Variants in PTPRO observed in about 807,000 individuals in gnomAD.
PTPRO encodes receptor-type tyrosine-protein phosphatase O.
Under a neutral mutation model 145.2 loss-of-function variants are expected in PTPRO, and 62 were observed. That is an observed-to-expected ratio of 0.43 (90% CI 0.35 to 0.53). The LOEUF (loss-of-function observed/expected upper bound fraction) is 0.53, where lower values mean the gene tolerates loss of function less well. PTPRO is among the 20% of genes least tolerant of loss of function. PTPRO has a pLI of 0.01. For synonymous variants in PTPRO, 565 were observed against 514.7 expected (o/e 1.10, Z -1.32); for missense variants, 1,345 against 1,482.7 (o/e 0.91, Z 1.53).
chr12:15,546,917 C>T lies in PTPRO; in HGVS notation c.2304+209C>T, dbSNP rs576312362. ...TTTATCTTTGTCTGTATCACTTGTT[C>T]CTAATTCATAAGTCACTCCAGGTCA... On this transcript the variant is annotated intron_variant, in intron 13 of 26. Transcript: ENST00000281171. 5.9e-4 allele frequency among the ~76,000 whole-genome samples: 90 copies of T among 152,230 alleles called. 2 individuals carry two copies. Among genetic ancestry groups the T allele is most frequent in the Middle Eastern group, 3.4e-3 (1 of 294 alleles).
chr12:15,337,226 C>T (rs1200806793), intron 1 of PTPRO, among the ~76,000 whole-genome samples: 2 of 152,102 alleles, frequency 1.3e-5, no homozygotes, highest in Non-Finnish European at 2.9e-5. Flanking sequence ...TGATCTCATT[C>T]CTCAGACTCC....
intron 2 of PTPRO, among the ~76,000 whole-genome samples, chr12:15,489,862 A>G (rs1325179160): frequency 6.6e-6 from 1 of 152,196 alleles, no homozygotes; most frequent in Non-Finnish European, 1.5e-5. Flanking sequence ...ATTGAAAAAT[A>G]AAGGAAAATT....
At chr12:15,380,513 A>C (rs551573910) in intron 1 of PTPRO, among the ~76,000 whole-genome samples, 1 of 152,192 alleles carries the variant, frequency 6.6e-6, no homozygotes, top group Admixed American at 6.5e-5. Context: ...TAATTTTAAA[A>C]GACATATTGG....
chr12:15,485,426 C>T (rs934031698), intron 2 of PTPRO, among the ~76,000 whole-genome samples: 1 of 152,150 alleles, frequency 6.6e-6, no homozygotes, highest in South Asian at 2.1e-4. Flanking sequence ...GATATAGGCA[C>T]ATAACGCCTA....
intron 24 of PTPRO, 42 bp downstream of exon 24, chr12:15,587,093 G>A: frequency 1.9e-6 from 3 of 1,608,874 alleles, no homozygotes; most frequent in South Asian, 2.2e-5. Flanking sequence ...ATTAGGAGTT[G>A]GTTTTGTAAG....
intron 1 of PTPRO, among the ~76,000 whole-genome samples, chr12:15,398,136 A>T (rs911290610): frequency 1.3e-5 from 2 of 152,282 alleles, no homozygotes; most frequent in South Asian, 4.1e-4. Flanking sequence ...AGTGGTCGTG[A>T]TGGGTCTGAT....
At chr12:15,555,280 G>A (rs866830605) in intron 15 of PTPRO, among the ~76,000 whole-genome samples, 5 of 152,080 alleles carry the variant, frequency 3.3e-5, no homozygotes, top group African/African-American at 7.2e-5. Context: ...TATAAATTGC[G>A]TTAGAGCTTT....
At chr12:15,513,222 A>G (rs140655576) in intron 7 of PTPRO, among the ~76,000 whole-genome samples, 7,279 of 124,518 alleles carry the variant, frequency 0.058, 1,040 homozygotes, top group African/African-American at 0.16. Context: ...AGAAAGAAAG[A>G]AAGAAAAGAA....
At chr12:15,454,794 A>G (rs1049111125) in intron 1 of PTPRO, among the ~76,000 whole-genome samples, 3 of 151,988 alleles carry the variant, frequency 2.0e-5, no homozygotes, top group African/African-American at 7.2e-5. Context: ...ATTGTTTTGC[A>G]TGCAGATGCC....
chr12:15,325,343 G>T (rs1866415021), intron 1 of PTPRO, among the ~76,000 whole-genome samples: 1 of 152,186 alleles, frequency 6.6e-6, no homozygotes, highest in African/African-American at 2.4e-5. Flanking sequence ...TCCATTGAGG[G>T]AGACTAAATG....
At chr12:15,362,381 T>A (rs1260880338) in intron 1 of PTPRO, among the ~76,000 whole-genome samples, 2 of 152,244 alleles carry the variant, frequency 1.3e-5, no homozygotes, top group African/African-American at 2.4e-5. Flanking sequence ...TCAGGTTTTG[T>A]CCAAAAGTGT....
At chr12:15,440,302 A>G (rs113059171) in intron 1 of PTPRO, 9,754 of 534,584 alleles carry the variant, frequency 0.018, 171 homozygotes, top group Non-Finnish European at 0.02. Context: ...AGGAGACTGT[A>G]TTCACCATGT....
intron 1 of PTPRO, among the ~76,000 whole-genome samples, chr12:15,397,858 T>G (rs1473398459): frequency 1.3e-5 from 2 of 151,974 alleles, no homozygotes; most frequent in Non-Finnish European, 2.9e-5. Flanking sequence ...GCTTAAGGAC[T>G]TAAATCTTTT....
At chr12:15,442,019 T>C (rs1940780865) in intron 1 of PTPRO, among the ~76,000 whole-genome samples, 1 of 152,030 alleles carries the variant, frequency 6.6e-6, no homozygotes, top group South Asian at 2.1e-4. Flanking sequence ...ATCAGGCCAA[T>C]ACCAAAACCT....
intron 12 of PTPRO, among the ~76,000 whole-genome samples, chr12:15,539,687 G>A (rs917798176): frequency 4.6e-5 from 6 of 129,792 alleles, no homozygotes; most frequent in Non-Finnish European, 7.8e-5. Flanking sequence ...TTTTGAACCC[G>A]GGAGGCGGAG....
intron 1 of PTPRO, chr12:15,337,490 C>T (rs1416853468): frequency 6.6e-6 from 1 of 152,266 alleles, no homozygotes; most frequent in East Asian, 1.9e-4. Context: ...CAAACAAACA[C>T]GTTTTGTGCA....
intron 10 of PTPRO, 120 bp downstream of exon 10, chr12:15,520,432 A>C: frequency 6.0e-5 from 43 of 718,170 alleles, no homozygotes; most frequent in East Asian, 1.1e-4. Context: ...CATCAATTTC[A>C]TGGGAGATAA....
At chr12:15,563,680 T>C (rs1041704368) in intron 17 of PTPRO, among the ~76,000 whole-genome samples, 2 of 152,156 alleles carry the variant, frequency 1.3e-5, no homozygotes, top group Non-Finnish European at 2.9e-5. Context: ...GTGTCTCTCC[T>C]CCATGAATCA....
chr12:15,555,538 C>T (rs1943598410), intron 15 of PTPRO, among the ~76,000 whole-genome samples: 3 of 152,124 alleles, frequency 2.0e-5, no homozygotes, highest in South Asian at 4.1e-4. Flanking sequence ...GCAGTAATAA[C>T]ATAGCGTAAT....
Sources: gnomAD v4.1 joint callset for allele counts (sites outside exome capture counted in the v4.1 genomes callset) on GRCh38, gnomAD v4.1.1 for gene constraint, MANE v1.5 for transcripts, NCBI Gene and HGNC (gene_info 2026-07-23, HGNC 2026-07-21) for gene names.